Variants in LINGO2 observed in about 807,000 individuals in gnomAD.
The protein encoded by LINGO2 is leucine rich repeat and Ig domain containing 2.
A neutral mutation model predicts 30.6 loss-of-function variants in LINGO2; 14 were observed. The observed-to-expected ratio is 0.46, with a 90% confidence interval of 0.30 to 0.72. LINGO2 has a LOEUF of 0.72. Ranked by LOEUF, LINGO2 falls within the 30% of genes least tolerant of loss-of-function variation. The probability of loss-of-function intolerance (pLI) is 0.07; values close to 1 mark genes in which losing one functional copy is unlikely to be tolerated. For missense variants in LINGO2, 729 were observed against 751.7 expected, an observed-to-expected ratio of 0.97 and a Z score of 0.35; for synonymous variants, 317 against 288.5, an observed-to-expected ratio of 1.10 and a Z score of -1.00.
rs577215901 is a variant in LINGO2 at position 28,322,337 on chromosome 9, A to G, written c.-245-26971T>C. On this transcript the variant is annotated intron_variant, in intron 3 of 5. Transcript: ENST00000379992. ...TATCATATCACACCATTTTCATTCC[A>G]CTTAAAAAATATTACCTGTCACAAC... Among the ~76,000 whole-genome samples the G allele has an allele frequency of 1.1e-4, 17 of 152,146 alleles. No individual in the cohort carries two copies. In the South Asian group the frequency reaches 3.5e-3, roughly 32 times the overall value.
chr9:28,777,035 T>C, the LINGO2 span, among the ~76,000 whole-genome samples: 1 of 152,078 alleles, frequency 6.6e-6, no homozygotes, highest in Non-Finnish European at 1.5e-5. Flanking sequence ...CGTCCCCCTT[T>C]GCTCCCTCTC....
chr9:28,725,956 T>C, the LINGO2 span, among the ~76,000 whole-genome samples: 4 of 152,130 alleles, frequency 2.6e-5, no homozygotes, highest in Non-Finnish European at 5.9e-5. Flanking sequence ...TTGGAAAGGT[T>C]AAATCCAATG....
At chr9:29,128,637 A>G in the LINGO2 span, among the ~76,000 whole-genome samples, 10 of 152,054 alleles carry the variant, frequency 6.6e-5, no homozygotes, top group Non-Finnish European at 1.5e-4. Flanking sequence ...TCAAACTGTC[A>G]TGGAAACTGC....
intron 2 of LINGO2, among the ~76,000 whole-genome samples, chr9:28,450,193 G>A (rs888958877): frequency 2.9e-4 from 44 of 151,948 alleles, no homozygotes; most frequent in African/African-American, 9.9e-4. Flanking sequence ...TGTAATCTGT[G>A]GACCCCCTGT....
chr9:28,928,737 G>A, the LINGO2 span, among the ~76,000 whole-genome samples: 2 of 151,960 alleles, frequency 1.3e-5, no homozygotes, highest in African/African-American at 4.8e-5. Flanking sequence ...TTTTTTGTTT[G>A]TTTGTTTTTA....
chr9:29,137,035 A>T, the LINGO2 span, among the ~76,000 whole-genome samples: 2 of 152,166 alleles, frequency 1.3e-5, no homozygotes, highest in South Asian at 4.1e-4. Context: ...AACACATACT[A>T]AGCCCAGCCC....
At chr9:28,203,689 A>G (rs1820316136) in intron 4 of LINGO2, among the ~76,000 whole-genome samples, 1 of 152,218 alleles carries the variant, frequency 6.6e-6, no homozygotes, top group Admixed American at 6.5e-5. Flanking sequence ...AAGCATTAGC[A>G]CCAGTGGAAG....
intron 4 of LINGO2, among the ~76,000 whole-genome samples, chr9:28,049,267 C>T (rs1824562272): frequency 6.6e-6 from 1 of 150,560 alleles, no homozygotes; most frequent in Non-Finnish European, 1.5e-5. Flanking sequence ...CAAGAATAAC[C>T]CAATATATCT....
At chr9:29,165,776 A>C in the LINGO2 span, among the ~76,000 whole-genome samples, 1 of 152,146 alleles carries the variant, frequency 6.6e-6, no homozygotes, top group Non-Finnish European at 1.5e-5. Context: ...GGGCAAAAGA[A>C]AGGATGAAAT....
chr9:28,588,298 T>C (rs758517169), intron 1 of LINGO2, among the ~76,000 whole-genome samples: 16 of 151,768 alleles, frequency 1.1e-4, no homozygotes, highest in Non-Finnish European at 2.4e-4. Context: ...AATGAAGTAA[T>C]ATTTTACTAA....
the LINGO2 span, among the ~76,000 whole-genome samples, chr9:28,786,315 AG>A: frequency 2.0e-5 from 3 of 152,248 alleles, no homozygotes; most frequent in South Asian, 6.2e-4. Flanking sequence ...TACATTCTGG[AG>A]GCATATGGGA....
chr9:29,004,205 A>G, the LINGO2 span, among the ~76,000 whole-genome samples: 1 of 151,880 alleles, frequency 6.6e-6, no homozygotes, highest in African/African-American at 2.4e-5. Context: ...TGCTCATTTT[A>G]CCCTTTATAT....
intron 4 of LINGO2, among the ~76,000 whole-genome samples, chr9:28,069,974 C>A (rs576563779): frequency 2.6e-5 from 4 of 152,324 alleles, no homozygotes; most frequent in East Asian, 3.9e-4. Flanking sequence ...GCTCAAGAAG[C>A]CGCTCATAGT....
the LINGO2 span, among the ~76,000 whole-genome samples, chr9:28,861,192 T>A: frequency 1.7e-5 from 2 of 116,052 alleles, no homozygotes; most frequent in Admixed American, 1.1e-4. Flanking sequence ...TTAATATATT[T>A]TATATATTAT....
At chr9:29,090,777 TTA>T in the LINGO2 span, among the ~76,000 whole-genome samples, 6 of 98,140 alleles carry the variant, frequency 6.1e-5, no homozygotes, top group Non-Finnish European at 1.1e-4. Context: ...AATTTATTAT[TTA>T]TTTATCCTTG....
At chr9:29,207,864 TATA>T in the LINGO2 span, among the ~76,000 whole-genome samples, 5 of 152,068 alleles carry the variant, frequency 3.3e-5, no homozygotes, top group South Asian at 2.1e-4. Context: ...CCTCATATTT[TATA>T]ATAAGAGCAC....
chr9:28,092,299 A>G (rs1250985435), intron 4 of LINGO2, among the ~76,000 whole-genome samples: 1 of 152,112 alleles, frequency 6.6e-6, no homozygotes, highest in Non-Finnish European at 1.5e-5. Context: ...ACCAACCCAA[A>G]TGTCCATCAA....
chr9:28,279,590 C>CAT (rs1564092236), intron 4 of LINGO2, among the ~76,000 whole-genome samples: 1 of 152,094 alleles, frequency 6.6e-6, no homozygotes, highest in Non-Finnish European at 1.5e-5. Flanking sequence ...AAGATATGTA[C>CAT]ATTGTTTTTA....
chr9:28,866,586 G>T, the LINGO2 span, among the ~76,000 whole-genome samples: 1 of 152,150 alleles, frequency 6.6e-6, no homozygotes, highest in Non-Finnish European at 1.5e-5. Context: ...GGGCAGAGAA[G>T]AAGGGTGGTG....
Sources: gnomAD v4.1 joint callset for allele counts (sites outside exome capture counted in the v4.1 genomes callset) on GRCh38, gnomAD v4.1.1 for gene constraint, MANE v1.5 for transcripts, NCBI Gene and HGNC (gene_info 2026-07-23, HGNC 2026-07-21) for gene names.